Variants in OSBPL10 observed in about 807,000 individuals in gnomAD.
The protein encoded by OSBPL10 is oxysterol binding protein like 10.
In OSBPL10, 49 loss-of-function variants were observed where a neutral mutation model predicts 81.7. That is an observed-to-expected ratio of 0.60 (90% CI 0.48 to 0.76). OSBPL10 has a LOEUF of 0.76. Ranked by LOEUF, OSBPL10 falls within the 30% of genes least tolerant of loss-of-function variation. The probability of loss-of-function intolerance (pLI) is 0.00; values close to 1 mark genes in which losing one functional copy is unlikely to be tolerated. For synonymous variants in OSBPL10, 419 were observed against 383.6 expected (o/e 1.09, Z -1.08); for missense variants, 923 against 987.8 (o/e 0.93, Z 0.88).
chr3:31,897,421 C>A (rs1337770354), intron 1 of OSBPL10, among the ~76,000 whole-genome samples: 1 of 152,124 alleles, frequency 6.6e-6, no homozygotes, highest in Non-Finnish European at 1.5e-5. Flanking sequence ...TGTTAACATC[C>A]TTCCACAGCG....
intron 1 of OSBPL10, among the ~76,000 whole-genome samples, chr3:31,975,567 C>T (rs576085457): frequency 4.4e-4 from 67 of 152,228 alleles, no homozygotes; most frequent in African/African-American, 1.5e-3. Flanking sequence ...ACTAATGGCC[C>T]CCAATGGGTG....
At chr3:31,871,316 C>G (rs1323475064) in intron 3 of OSBPL10, among the ~76,000 whole-genome samples, 3 of 152,124 alleles carry the variant, frequency 2.0e-5, no homozygotes, top group African/African-American at 7.2e-5. Flanking sequence ...GCCTTAAGAG[C>G]TGTAACACTC....
Position 31,945,033 on chromosome 3 carries a change from C to T in OSBPL10, c.281+35866G>A, listed in dbSNP as rs112089435. On this transcript the variant is annotated intron_variant, in intron 1 of 11. Coordinates refer to ENST00000396556, the MANE Select transcript of OSBPL10 (RefSeq NM_017784.5). ...GGGCGTGGTGGCACACATGTGTAGT[C>T]CCAGCTACTCGGGAGGCCACGGCAG... Among the ~76,000 whole-genome samples the T allele has an allele frequency of 3.2e-3, 479 of 151,068 alleles. 8 individuals are homozygous for T. The highest frequency in any genetic ancestry group is 0.011 in the African/African-American group (454 of 41,146).
intron 4 of OSBPL10, among the ~76,000 whole-genome samples, chr3:31,814,770 A>C (rs1215703537): frequency 6.6e-6 from 1 of 152,168 alleles, no homozygotes; most frequent in Non-Finnish European, 1.5e-5. Context: ...ACAGCGTATT[A>C]ATAGAGGATC....
chr3:31,783,425 G>A lies in OSBPL10; in HGVS notation c.730-35305C>T, dbSNP rs970517653. Among the ~76,000 whole-genome samples the A allele has an allele frequency of 4.6e-5, 7 of 151,730 alleles. No homozygotes were observed. In the East Asian group the frequency reaches 7.8e-4, roughly 17 times the overall value. On this transcript the variant is annotated intron_variant, in intron 4 of 11. Transcript: ENST00000396556. ...ACAGTGTGCACTGCTCAGGTGATGC[G>A]TGTACCAGAATCTCAGAAATCACCA... is the stretch of plus-strand genomic sequence containing the variant.
In OSBPL10 at chr3:31,881,198, C is replaced by A. The variant is rs528656063; in HGVS notation, c.282-1368G>T. On this transcript the variant is annotated intron_variant, in intron 1 of 11. Coordinates refer to ENST00000396556, the MANE Select transcript of OSBPL10 (RefSeq NM_017784.5). Reference sequence around the variant, plus strand: ...ACTGGTTTCCCCACTAGACTACACTCTGCGGAAGTGGAAAGTGTTTTCCTC... The same window carrying A: ...ACTGGTTTCCCCACTAGACTACACTATGCGGAAGTGGAAAGTGTTTTCCTC... Among the ~76,000 whole-genome samples, 20 of 152,324 alleles carry A rather than the reference C, an allele frequency of 1.3e-4. No homozygotes were observed. In the South Asian group the frequency reaches 1.5e-3, roughly 11 times the overall value.
At chr3:31,879,419 G>T in intron 2 of OSBPL10, 1 of 485,064 alleles carries the variant, frequency 2.1e-6, no homozygotes, top group Non-Finnish European at 3.6e-6. Context: ...GCTGCTTTGG[G>T]AATCACTCAC....
chr3:31,953,235 C>T, intron 1 of OSBPL10, among the ~76,000 whole-genome samples: 1 of 151,960 alleles, frequency 6.6e-6, no homozygotes, highest in East Asian at 1.9e-4. Flanking sequence ...GCCCGGTCCT[C>T]AGATACTTTT....
chr3:31,799,671 A>G (rs13092246), intron 4 of OSBPL10, among the ~76,000 whole-genome samples: 90,106 of 152,034 alleles, frequency 0.59, 28,693 homozygotes, highest in East Asian at 0.79. Flanking sequence ...ATAAGAAAAT[A>G]AAGCCTCAAG....
intron 6 of OSBPL10, among the ~76,000 whole-genome samples, chr3:31,715,641 A>G (rs1286797965): frequency 6.6e-6 from 1 of 152,234 alleles, no homozygotes; most frequent in Non-Finnish European, 1.5e-5. Context: ...CTGATGAAGG[A>G]ATAATGTAGT....
intron 4 of OSBPL10, among the ~76,000 whole-genome samples, chr3:31,783,820 A>AT (rs1698783171): frequency 1.6e-5 from 1 of 62,756 alleles, no homozygotes. Flanking sequence ...AAAAAAAAAA[A>AT]AAAATATATA....
intron 2 of OSBPL10, among the ~76,000 whole-genome samples, chr3:32,024,559 C>T (rs1050490542): frequency 1.2e-4 from 16 of 138,200 alleles, no homozygotes; most frequent in Non-Finnish European, 2.3e-4. Context: ...GGCATGATCT[C>T]GGCTCACTGC....
At chr3:31,674,579 T>C (rs564941440) in intron 8 of OSBPL10, among the ~76,000 whole-genome samples, 2 of 141,454 alleles carry the variant, frequency 1.4e-5, no homozygotes, top group African/African-American at 5.1e-5. Flanking sequence ...GACAGATAGA[T>C]AGATTAGATA....
At chr3:31,894,665 T>C (rs888447886) in intron 1 of OSBPL10, among the ~76,000 whole-genome samples, 3 of 152,216 alleles carry the variant, frequency 2.0e-5, no homozygotes, top group African/African-American at 7.2e-5. Context: ...ATTCCATTTT[T>C]ACTGGGAGGA....
chr3:31,819,693 G>A (rs1291191804), intron 4 of OSBPL10, among the ~76,000 whole-genome samples: 5 of 152,214 alleles, frequency 3.3e-5, no homozygotes, highest in Non-Finnish European at 7.3e-5. Flanking sequence ...AATTCCCTGG[G>A]CCAGAATCAA....
chr3:32,037,984 G>T (rs1379164308), intron 2 of OSBPL10, among the ~76,000 whole-genome samples: 1 of 152,212 alleles, frequency 6.6e-6, no homozygotes, highest in East Asian at 1.9e-4. Flanking sequence ...AACAGAGAAA[G>T]ATTTTAGAAA....
intron 1 of OSBPL10, among the ~76,000 whole-genome samples, chr3:31,952,633 A>G (rs1489536716): frequency 6.6e-6 from 1 of 152,200 alleles, no homozygotes; most frequent in African/African-American, 2.4e-5. Flanking sequence ...CATTCACACG[A>G]AAGGATCAGA....
At chr3:31,864,060 A>G (rs111378129) in intron 3 of OSBPL10, among the ~76,000 whole-genome samples, 7 of 152,336 alleles carry the variant, frequency 4.6e-5, no homozygotes, top group African/African-American at 1.7e-4. Flanking sequence ...CCAGATGCAG[A>G]GGATGCAGTA....
chr3:31,887,325 G>C (rs1695763052), intron 1 of OSBPL10, among the ~76,000 whole-genome samples: 1 of 152,140 alleles, frequency 6.6e-6, no homozygotes, highest in South Asian at 2.1e-4. Context: ...GTGAAGTGGG[G>C]GGCCAAACTA....
Sources: gnomAD v4.1 joint callset for allele counts (sites outside exome capture counted in the v4.1 genomes callset) on GRCh38, gnomAD v4.1.1 for gene constraint, MANE v1.5 for transcripts, NCBI Gene and HGNC (gene_info 2026-07-23, HGNC 2026-07-21) for gene names.